The following CNGB1 variants were observed in gnomAD, a reference collection of about 807,000 sequenced individuals.
CNGB1 encodes cyclic nucleotide gated channel subunit beta 1, also known as cyclic nucleotide-gated channel beta-1.
CNGB1 carries 126 observed loss-of-function variants against 151.7 expected under a neutral mutation model. The observed-to-expected ratio is 0.83, with a 90% confidence interval of 0.72 to 0.96. CNGB1 has a LOEUF of 0.96. CNGB1 is among the 40% of genes least tolerant of loss of function. CNGB1 has a pLI of 0.00. For missense variants in CNGB1, 1,698 were observed against 1,627.0 expected (o/e 1.04, Z -0.75); for synonymous variants, 623 against 635.1 (o/e 0.98, Z 0.29).
chr16:57,962,611 C>G lies in CNGB1; in HGVS notation c.413-1G>C, dbSNP rs189234741. On this transcript the variant is annotated splice_acceptor_variant, in intron 6 of 32. Coordinates refer to ENST00000251102, the MANE Select transcript of CNGB1 (RefSeq NM_001297.5). LOFTEE classifies it high-confidence loss of function. ...GCCTCATTGGGTTCATCTGTGCACC[C>G]TGCAGGGTCAGAAAATACAGAAAGG... 14 of 1,614,014 alleles carry G rather than the reference C, an allele frequency of 8.7e-6. No homozygotes were observed. In the East Asian group the frequency reaches 2.9e-4, roughly 33 times the overall value.
At chr16:57,957,171 C>G (rs1962108960) in intron 12 of CNGB1, among the ~76,000 whole-genome samples, 170 bp downstream of exon 12, 1 of 152,200 alleles carries the variant, frequency 6.6e-6, no homozygotes, top group East Asian at 1.9e-4. Flanking sequence ...AGAGGTAGGG[C>G]CTGCAGAGCA....
intron 30 of CNGB1, 51 bp from the exon 31 acceptor site, chr16:57,897,594 C>A: frequency 1.2e-6 from 2 of 1,612,156 alleles, no homozygotes; most frequent in South Asian, 2.2e-5. Context: ...CCGTTTCGGT[C>A]ACATTCAGAT....
rs112075731 is a variant in CNGB1 at position 57,931,413 on chromosome 16, G to A, written c.1535+303C>T. On this transcript the variant is annotated intron_variant, in intron 17 of 32. Transcript: ENST00000251102. ...CAAACGATCCACCCACCTCAGCCTC[G>A]CAAAGCGCTGGCATTACAGGCAGTA... Among the ~76,000 whole-genome samples, 67 of 152,134 alleles carry A rather than the reference G, an allele frequency of 4.4e-4. 1 individual carries two copies. In the Middle Eastern group the frequency reaches 0.01, roughly 23 times the overall value.
chr16:57,892,352 A>T (rs1324405050), intron 31 of CNGB1, among the ~76,000 whole-genome samples: 1 of 152,050 alleles, frequency 6.6e-6, no homozygotes. Flanking sequence ...CCCTGGGGAG[A>T]GGAGGCACTG....
At chr16:57,970,303 G>A (rs1270518430) in intron 1 of CNGB1, among the ~76,000 whole-genome samples, 2 of 152,158 alleles carry the variant, frequency 1.3e-5, no homozygotes, top group African/African-American at 2.4e-5. Context: ...AGGCAGCCCC[G>A]AGAGCCAGGG....
At chr16:57,893,320 G>A (rs562097776) in intron 31 of CNGB1, among the ~76,000 whole-genome samples, 18 of 152,188 alleles carry the variant, frequency 1.2e-4, no homozygotes, top group African/African-American at 4.1e-4. Context: ...GCAGTGGCAC[G>A]ATCATAACTC....
At chr16:57,969,774 CT>C (rs1962492864) in intron 1 of CNGB1, among the ~76,000 whole-genome samples, 1 of 152,214 alleles carries the variant, frequency 6.6e-6, no homozygotes, top group South Asian at 2.1e-4. Context: ...AGCCCCAGCC[CT>C]TATGACTGAA....
In CNGB1 at chr16:57,897,396, C is replaced by T. The variant is rs556751911; in HGVS notation, c.3242+1G>A. 1 of 1,613,908 alleles carries T rather than the reference C, an allele frequency of 6.2e-7. No individual in the cohort carries two copies. Among genetic ancestry groups the T allele is most frequent in the South Asian group, 1.1e-5 (1 of 91,078 alleles). Reference sequence around the variant, plus strand: ...TATTAAACGAAAGAAAAGTTACATACCTGGCTTTCTTCCGGAGTAACTTCT... The same window carrying T: ...TATTAAACGAAAGAAAAGTTACATATCTGGCTTTCTTCCGGAGTAACTTCT... On this transcript the variant is annotated splice_donor_variant, in intron 31 of 32. Coordinates refer to ENST00000251102, the MANE Select transcript of CNGB1 (RefSeq NM_001297.5). LOFTEE classifies it high-confidence loss of function.
Position 57,904,333 on chromosome 16 carries a change from A to G in CNGB1, c.2635-352T>C, listed in dbSNP as rs117015661. 2.6e-3 allele frequency among the ~76,000 whole-genome samples: 391 copies of G among 152,258 alleles called. 7 individuals are homozygous for G. The East Asian group carries it at 0.04, about 16-fold the overall frequency. On this transcript the variant is annotated intron_variant, in intron 26 of 32. Coordinates refer to ENST00000251102, the MANE Select transcript of CNGB1 (RefSeq NM_001297.5). ...TGTCTGACTCCATGCTGGAGGAAAT[A>G]GGAAGCCAGTGTGCTGTTCCTCGGG...
intron 16 of CNGB1, among the ~76,000 whole-genome samples, chr16:57,936,803 A>C (rs928579475): frequency 1.2e-4 from 17 of 146,944 alleles, no homozygotes; most frequent in East Asian, 3.9e-4. Context: ...AACAAACAAA[A>C]AAAAAACAAA....
chr16:57,933,582 A>AG (rs1394316187), intron 16 of CNGB1, among the ~76,000 whole-genome samples: 24 of 152,212 alleles, frequency 1.6e-4, no homozygotes, highest in South Asian at 8.3e-4. Flanking sequence ...CCCTACACCT[A>AG]GGGGGGTCTA....
chr16:57,956,818 G>A (rs1333342673), intron 12 of CNGB1, among the ~76,000 whole-genome samples: 3 of 152,160 alleles, frequency 2.0e-5, no homozygotes, highest in African/African-American at 7.2e-5. Flanking sequence ...CCCCTTCCTG[G>A]TCTCAGTCCT....
chr16:57,923,494 G>C (rs1286999226), intron 17 of CNGB1, 114 bp from the exon 18 acceptor site: 7 of 852,750 alleles, frequency 8.2e-6, no homozygotes, highest in Non-Finnish European at 1.3e-5. Context: ...ATAGAGGATG[G>C]GGGGCGGAGC....
intron 31 of CNGB1, among the ~76,000 whole-genome samples, chr16:57,896,221 G>T (rs1429784149): frequency 6.6e-6 from 1 of 152,170 alleles, no homozygotes; most frequent in African/African-American, 2.4e-5. Flanking sequence ...AGGGAAAATA[G>T]GTTTACAATA....
At chr16:57,914,296 G>C (rs1398625455) in intron 23 of CNGB1, among the ~76,000 whole-genome samples, 3 of 152,162 alleles carry the variant, frequency 2.0e-5, no homozygotes, top group African/African-American at 7.2e-5. Flanking sequence ...AGCAACCTCT[G>C]CAGCCCCTGG....
chr16:57,946,110 C>A (rs550006968), intron 14 of CNGB1, among the ~76,000 whole-genome samples: 85 of 152,238 alleles, frequency 5.6e-4, no homozygotes, highest in South Asian at 1.0e-3. Context: ...CAGAAAGTTC[C>A]CAAGTCCCAG....
chr16:57,929,951 G>C (rs1961301845), intron 17 of CNGB1, among the ~76,000 whole-genome samples: 1 of 152,106 alleles, frequency 6.6e-6, no homozygotes. Context: ...AAATAAGACA[G>C]AAAATAACAA....
At chr16:57,949,211 G>C in intron 14 of CNGB1, 142 bp downstream of exon 14, 2 of 1,475,670 alleles carry the variant, frequency 1.4e-6, no homozygotes, top group Non-Finnish European at 1.8e-6. Context: ...GCTTCTCGCA[G>C]CCTCTTTGGT....
At chr16:57,924,834 C>A (rs1217464797) in intron 17 of CNGB1, among the ~76,000 whole-genome samples, 1 of 152,060 alleles carries the variant, frequency 6.6e-6, no homozygotes, top group Admixed American at 6.6e-5. Flanking sequence ...TGTGGCACCT[C>A]CCCACTCTCT....
Sources: allele counts gnomAD v4.1 joint callset (sites outside exome capture counted in the v4.1 genomes callset), GRCh38; gene constraint gnomAD v4.1.1; transcripts MANE v1.5; gene names NCBI Gene and HGNC (gene_info 2026-07-23, HGNC 2026-07-21).